The following GPR39 variants were observed in gnomAD, a reference collection of about 807,000 sequenced individuals.
GPR39 encodes G protein-coupled receptor 39.
Under a neutral mutation model 18.4 loss-of-function variants are expected in GPR39, and 23 were observed. The ratio of observed to expected loss-of-function variants is 1.25; its 90% CI spans 0.90 to 1.77. GPR39 has a LOEUF of 1.77. GPR39 is among the 40% of genes most tolerant of loss of function. GPR39 has a pLI of 0.00. For missense variants in GPR39, 647 were observed against 602.4 expected, an observed-to-expected ratio of 1.07 and a Z score of -0.78; for synonymous variants, 280 against 257.9, an observed-to-expected ratio of 1.09 and a Z score of -0.82.
chr2:132,430,243 C>T (rs1205894741), intron 1 of GPR39, among the ~76,000 whole-genome samples: 1 of 152,238 alleles, frequency 6.6e-6, no homozygotes, highest in Non-Finnish European at 1.5e-5. Context: ...AAATGCCCTA[C>T]TCCAGTCTAT....
chr2:132,551,210 C>A (rs1573661793), intron 1 of GPR39, among the ~76,000 whole-genome samples: 1 of 152,112 alleles, frequency 6.6e-6, no homozygotes, highest in East Asian at 1.9e-4. Context: ...ACAGTGCCAG[C>A]CATCATGTCT....
At chr2:132,494,520 G>A (rs12471004) in intron 1 of GPR39, among the ~76,000 whole-genome samples, 1 of 152,040 alleles carries the variant, frequency 6.6e-6, no homozygotes, top group African/African-American at 2.4e-5. Context: ...GAGAATTTTC[G>A]CTCAGGCCTT....
chr2:132,518,112 G>A (rs1350799998), intron 1 of GPR39, among the ~76,000 whole-genome samples: 1 of 152,154 alleles, frequency 6.6e-6, no homozygotes, highest in African/African-American at 2.4e-5. Flanking sequence ...TGAAGACTTG[G>A]TCAATGTCTT....
intron 1 of GPR39, among the ~76,000 whole-genome samples, chr2:132,427,131 C>T (rs1428573052): frequency 2.6e-4 from 21 of 80,736 alleles, no homozygotes; most frequent in South Asian, 4.5e-4. Context: ...TATATAGGTA[C>T]ATATATATAT....
chr2:132,597,424 G>C (rs1680966673), intron 1 of GPR39, among the ~76,000 whole-genome samples: 1 of 152,146 alleles, frequency 6.6e-6, no homozygotes, highest in African/African-American at 2.4e-5. Flanking sequence ...GGGGACTCTG[G>C]AGCAGGCTGT....
At chr2:132,592,518 G>A (rs374161030) in intron 1 of GPR39, among the ~76,000 whole-genome samples, 2 of 152,302 alleles carry the variant, frequency 1.3e-5, no homozygotes, top group East Asian at 1.9e-4. Flanking sequence ...CCACAGTAAA[G>A]ACTTCATCTT....
rs184214155 is a variant in GPR39 at position 132,524,689 on chromosome 2, A to G, written c.856+106791A>G. On this transcript the variant is annotated intron_variant, in intron 1 of 1. Transcript: ENST00000329321. Reference sequence around the variant, plus strand: ...ACAAGATACCCAGAGAATAAATCCAAAGTCTATCCTGAAACACCACAGCCT... The same window carrying G: ...ACAAGATACCCAGAGAATAAATCCAGAGTCTATCCTGAAACACCACAGCCT... 2.1e-3 allele frequency among the ~76,000 whole-genome samples: 319 copies of G among 152,270 alleles called. 1 individual carries two copies. The highest frequency in any genetic ancestry group is 3.5e-3 in the Non-Finnish European group (241 of 68,010).
chr2:132,499,903 C>A (rs183628444), intron 1 of GPR39, among the ~76,000 whole-genome samples: 1 of 152,238 alleles, frequency 6.6e-6, no homozygotes, highest in East Asian at 1.9e-4. Flanking sequence ...TGGTGTACAG[C>A]AGAGCTACTG....
intron 1 of GPR39, among the ~76,000 whole-genome samples, chr2:132,442,906 A>T (rs2104766130): frequency 6.6e-6 from 1 of 152,316 alleles, no homozygotes; most frequent in Non-Finnish European, 1.5e-5. Context: ...GATTCTTTGC[A>T]TTGGCAACTG....
At chr2:132,492,881 A>G (rs187134692) in intron 1 of GPR39, among the ~76,000 whole-genome samples, 14 of 140,584 alleles carry the variant, frequency 1.0e-4, no homozygotes, top group African/African-American at 3.5e-4. Context: ...CACCATATAT[A>G]TACACCATAT....
chr2:132,489,911 T>C (rs1331282438), intron 1 of GPR39, among the ~76,000 whole-genome samples: 1 of 151,878 alleles, frequency 6.6e-6, no homozygotes, highest in Non-Finnish European at 1.5e-5. Context: ...TAGATTCCCT[T>C]TGGACACAGG....
chr2:132,539,086 C>G (rs892435991), intron 1 of GPR39, among the ~76,000 whole-genome samples: 6 of 152,110 alleles, frequency 3.9e-5, no homozygotes, highest in African/African-American at 1.4e-4. Context: ...TCCTGTCTCA[C>G]GGGAGTTCCA....
chr2:132,490,624 A>T (rs182651936), intron 1 of GPR39, among the ~76,000 whole-genome samples: 1 of 151,888 alleles, frequency 6.6e-6, no homozygotes, highest in Non-Finnish European at 1.5e-5. Context: ...GCATTAAGTG[A>T]CCTGGGAATG....
chr2:132,427,131 CATATATATATATAT>C (rs199931479), intron 1 of GPR39, among the ~76,000 whole-genome samples: 39 of 80,772 alleles, frequency 4.8e-4, no homozygotes, highest in African/African-American at 8.9e-4. Flanking sequence ...TATATAGGTA[CATATATATATATAT>C]ATATATATAT....
chr2:132,505,260 A>G (rs1558819495), intron 1 of GPR39, among the ~76,000 whole-genome samples: 2 of 152,178 alleles, frequency 1.3e-5, no homozygotes. Context: ...TCTTAATTAA[A>G]AAAATTATTA....
intron 1 of GPR39, among the ~76,000 whole-genome samples, chr2:132,594,209 G>A (rs1168217800): frequency 6.6e-6 from 1 of 152,126 alleles, no homozygotes; most frequent in Non-Finnish European, 1.5e-5. Flanking sequence ...GTGGGGAGCA[G>A]GGGTCAAGTG....
intron 1 of GPR39, among the ~76,000 whole-genome samples, chr2:132,640,339 A>T (rs1008520178): frequency 6.6e-6 from 1 of 152,236 alleles, no homozygotes; most frequent in Non-Finnish European, 1.5e-5. Context: ...TTTAAACAAC[A>T]TGACTCTGCC....
intron 1 of GPR39, among the ~76,000 whole-genome samples, chr2:132,465,000 G>A (rs1017296553): frequency 6.6e-6 from 1 of 152,216 alleles, no homozygotes; most frequent in African/African-American, 2.4e-5. Context: ...AGCAGGCCTG[G>A]TGGCTGTAAG....
intron 1 of GPR39, among the ~76,000 whole-genome samples, chr2:132,434,730 C>T (rs1435496922): frequency 6.6e-6 from 1 of 152,158 alleles, no homozygotes; most frequent in Non-Finnish European, 1.5e-5. Context: ...AAGCCCAAAA[C>T]AATAAATTCC....
Sources: allele counts gnomAD v4.1 joint callset (sites outside exome capture counted in the v4.1 genomes callset), GRCh38; gene constraint gnomAD v4.1.1; transcripts MANE v1.5; gene names NCBI Gene and HGNC (gene_info 2026-07-23, HGNC 2026-07-21).